The following TPRG1 variants were observed in gnomAD, a reference collection of about 807,000 sequenced individuals.
The protein encoded by TPRG1 is tumor protein p63 regulated 1.
In TPRG1, 29 loss-of-function variants were observed where a neutral mutation model predicts 29.3. The observed-to-expected ratio is 0.99, with a 90% CI of 0.74 to 1.35. The LOEUF is 1.35. TPRG1 is among the 40% of genes most tolerant of loss of function. The pLI, the probability that TPRG1 is intolerant of heterozygous loss-of-function variation, is 0.00. For synonymous variants in TPRG1, 130 were observed against 116.8 expected, an observed-to-expected ratio of 1.11 and a Z score of -0.73; for missense variants, 327 against 335.0, an observed-to-expected ratio of 0.98 and a Z score of 0.19.
intron 3 of TPRG1, among the ~76,000 whole-genome samples, chr3:189,230,158 A>C (rs1738410277): frequency 6.6e-6 from 1 of 152,160 alleles, no homozygotes; most frequent in Non-Finnish European, 1.5e-5. Flanking sequence ...AGAGAGAAGG[A>C]TGGGGGCGTG....
At chr3:189,075,454 C>T (rs1451588066) in intron 4 of TPRG1, among the ~76,000 whole-genome samples, 2 of 152,038 alleles carry the variant, frequency 1.3e-5, no homozygotes, top group Non-Finnish European at 2.9e-5. Flanking sequence ...GATTTTTTTG[C>T]TTCATTGGTT....
At chr3:189,175,178 G>A (rs1729316546) in intron 1 of TPRG1, among the ~76,000 whole-genome samples, 1 of 152,146 alleles carries the variant, frequency 6.6e-6, no homozygotes, top group African/African-American at 2.4e-5. Context: ...GAAGAAGAAA[G>A]CAAATATTGA....
At chr3:189,095,557 C>T (rs1200762808), upstream of TPRG1, among the ~76,000 whole-genome samples, 3 of 152,172 alleles carry the variant, frequency 2.0e-5, no homozygotes, top group African/African-American at 4.8e-5. Context: ...GAATTACTCT[C>T]GTCTTCTCCA....
Position 189,020,443 on chromosome 3 carries a change from T to C in TPRG1, c.-659-3307T>C, listed in dbSNP as rs542668962. On this transcript the variant is annotated intron_variant, in intron 3 of 10. Coordinates refer to the TPRG1 transcript ENST00000433971. ...CTGGTATGTTGTGTCTTTGTTCTCG[T>C]TGGTTTCAAAGAACATCTTTATTTC... 5.1e-4 allele frequency among the ~76,000 whole-genome samples: 77 copies of C among 151,676 alleles called. 1 individual carries two copies. The highest frequency in any genetic ancestry group is 8.4e-4 in the Non-Finnish European group (57 of 67,816).
intron 1 of TPRG1, among the ~76,000 whole-genome samples, chr3:189,181,724 C>A (rs1377791138): frequency 6.6e-6 from 1 of 152,154 alleles, no homozygotes; most frequent in East Asian, 1.9e-4. Context: ...CTAAACTGTT[C>A]CAACCTCTGC....
intron 4 of TPRG1, among the ~76,000 whole-genome samples, chr3:189,028,632 C>G (rs1713783125): frequency 6.6e-6 from 1 of 152,140 alleles, no homozygotes. Context: ...TGCCCTTTCC[C>G]TTGCAAGTAT....
upstream of TPRG1, among the ~76,000 whole-genome samples, chr3:189,097,165 C>T (rs905806410): frequency 6.6e-6 from 1 of 152,182 alleles, no homozygotes; most frequent in Non-Finnish European, 1.5e-5. Context: ...CTCAAATTAT[C>T]ACATATTTCA....
chr3:189,022,487 T>C lies in TPRG1; in HGVS notation c.-659-1263T>C, dbSNP rs1322675495. 2.2e-4 allele frequency among the ~76,000 whole-genome samples: 34 copies of C among 151,480 alleles called. No individual in the cohort carries two copies. In the East Asian group the frequency reaches 3.9e-3, roughly 17 times the overall value. On this transcript the variant is annotated intron_variant, in intron 3 of 10. Coordinates refer to the TPRG1 transcript ENST00000433971. ...CAGCTGCAGGTCTGTTGGAGTACCC[T>C]GCAGTGTGAGGTGTCAGTGTGCCCC...
In TPRG1 at chr3:189,324,657, G is replaced by C. The variant is rs772176556; in HGVS notation, c.*3837G>C. 2 of 152,144 alleles carry C rather than the reference G, an allele frequency of 1.3e-5. No individual in the cohort carries two copies. The highest frequency in any genetic ancestry group is 4.8e-5 in the African/African-American group (2 of 41,438). The allele number at this position is 152,144 out of a possible 1,614,324, so 9.4% of individuals were successfully genotyped here. On this transcript the variant is annotated 3_prime_UTR_variant, in exon 6 of 6. Transcript: ENST00000345063. ...TGCTGGCATTTTGTGGGGCAGGAGA[G>C]GGGGAGGGCAAAGGTATTAAATTTA... is the stretch of plus-strand genomic sequence containing the variant.
At chr3:189,108,357 A>T (rs575047694) in intron 1 of TPRG1, among the ~76,000 whole-genome samples, 1 of 152,322 alleles carries the variant, frequency 6.6e-6, no homozygotes, top group Admixed American at 6.5e-5. Context: ...TGCTAGAAAG[A>T]AAATGTTTTA....
chr3:189,145,359 T>TAATAAAAAAAAAAAA (rs1725115598), intron 3 of TPRG1, among the ~76,000 whole-genome samples: 1 of 107,394 alleles, frequency 9.3e-6, no homozygotes, highest in Non-Finnish European at 1.9e-5. Flanking sequence ...AGACTCCATC[T>TAATAAAAAAAAAAAA]AAAAAAAAAA....
chr3:189,299,848 G>C (rs1201771826), intron 4 of TPRG1, among the ~76,000 whole-genome samples: 2 of 152,188 alleles, frequency 1.3e-5, no homozygotes, highest in East Asian at 3.8e-4. Flanking sequence ...TCAGGAAGTG[G>C]AATGGTTTGG....
At chr3:189,034,429 T>C (rs1470331623) in intron 4 of TPRG1, among the ~76,000 whole-genome samples, 1 of 152,182 alleles carries the variant, frequency 6.6e-6, no homozygotes, top group African/African-American at 2.4e-5. Flanking sequence ...AATTTCAAAA[T>C]TGGCTCATTA....
chr3:189,288,838 T>G (rs1390759059), intron 4 of TPRG1, among the ~76,000 whole-genome samples: 1 of 152,264 alleles, frequency 6.6e-6, no homozygotes, highest in Non-Finnish European at 1.5e-5. Context: ...CACTGATTTG[T>G]GCCTAATAAT....
At chr3:189,217,071 G>T (rs1358344293) in intron 3 of TPRG1, among the ~76,000 whole-genome samples, 3 of 152,108 alleles carry the variant, frequency 2.0e-5, no homozygotes, top group Admixed American at 2.0e-4. Context: ...TATTTATATA[G>T]AAATATGCTT....
chr3:189,284,920 A>G (rs1318464960), intron 4 of TPRG1, among the ~76,000 whole-genome samples: 6 of 152,212 alleles, frequency 3.9e-5, no homozygotes, highest in African/African-American at 1.4e-4. Context: ...AATGGCAACA[A>G]AAGCCAAAAT....
intron 4 of TPRG1, among the ~76,000 whole-genome samples, chr3:189,251,399 G>A (rs185777448): frequency 2.2e-4 from 33 of 152,274 alleles, no homozygotes; most frequent in Middle Eastern, 3.4e-3. Context: ...CTCCACACCT[G>A]TGGGTGTTTC....
chr3:189,079,580 A>G (rs1472112405), intron 4 of TPRG1, among the ~76,000 whole-genome samples: 1 of 151,166 alleles, frequency 6.6e-6, no homozygotes, highest in Non-Finnish European at 1.5e-5. Context: ...AATTAAAAAC[A>G]GAAGTATTTT....
At chr3:189,292,960 A>G (rs139476668) in intron 4 of TPRG1, among the ~76,000 whole-genome samples, 22 of 152,268 alleles carry the variant, frequency 1.4e-4, no homozygotes, top group African/African-American at 5.3e-4. Context: ...ACAGGCCAAA[A>G]TTCAGGCATT....
Sources: allele counts gnomAD v4.1 joint callset (sites outside exome capture counted in the v4.1 genomes callset), GRCh38; gene constraint gnomAD v4.1.1; transcripts MANE v1.5; gene names NCBI Gene and HGNC (gene_info 2026-07-23, HGNC 2026-07-21).